ELL: variants seen among roughly 807,000 people sequenced by gnomAD.
ELL encodes elongation factor for RNA polymerase II.
ELL carries 18 observed loss-of-function variants against 64.0 expected under a neutral mutation model. That is an observed-to-expected ratio of 0.28 (90% CI 0.19 to 0.42). ELL has a LOEUF of 0.42. Among genes scored for constraint, ELL ranks in the 10% least tolerant of loss-of-function variants. The probability of loss-of-function intolerance (pLI) is 1.00; values close to 1 mark genes in which losing one functional copy is unlikely to be tolerated. For missense variants in ELL, 797 were observed against 870.4 expected, an observed-to-expected ratio of 0.92 and a Z score of 1.06; for synonymous variants, 399 against 376.2, an observed-to-expected ratio of 1.06 and a Z score of -0.70.
chr19:18,491,249 A>ATTTTTT (rs565016319), intron 1 of ELL, among the ~76,000 whole-genome samples: 3 of 72,474 alleles, frequency 4.1e-5, no homozygotes, highest in Non-Finnish European at 5.5e-5. Context: ...CACCTGGCTA[A>ATTTTTT]TTTTTTTTTT....
At chr19:18,470,221 T>TA (rs1169515411) in intron 2 of ELL, among the ~76,000 whole-genome samples, 1 of 152,208 alleles carries the variant, frequency 6.6e-6, no homozygotes, top group Admixed American at 6.5e-5. Flanking sequence ...CACATGTTAT[T>TA]AGGCTCCAGG....
Position 18,444,712 on chromosome 19 carries a change from T to TC in ELL, c.*39dup, listed in dbSNP as rs756342811. On this transcript the variant is annotated 3_prime_UTR_variant, in exon 12 of 12. Transcript: ENST00000262809. Reference sequence around the variant, plus strand: ...TAAATCCTCTCTCACCGCCTTTTGCTCCCCCGACCCTCCCAGATCCCCGCC... The same window carrying TC: ...TAAATCCTCTCTCACCGCCTTTTGCTCCCCCCGACCCTCCCAGATCCCCGCC... 2.6e-6 allele frequency: 4 copies of TC among 1,538,956 alleles called. No individual in the cohort carries two copies. Among genetic ancestry groups the TC allele is most frequent in the South Asian group, 2.3e-5 (2 of 86,362 alleles).
At chr19:18,468,786 A>C (rs1459902189) in intron 2 of ELL, among the ~76,000 whole-genome samples, 1 of 152,208 alleles carries the variant, frequency 6.6e-6, no homozygotes, top group Non-Finnish European at 1.5e-5. Flanking sequence ...AGCTCCACCC[A>C]GGTTGGCAGG....
At chr19:18,491,696 T>C (rs1333782133) in intron 1 of ELL, among the ~76,000 whole-genome samples, 1 of 152,044 alleles carries the variant, frequency 6.6e-6, no homozygotes, top group African/African-American at 2.4e-5. Flanking sequence ...AGGAGGATCG[T>C]TTGAGCCCAG....
chr19:18,448,499 A>G (rs953597195), intron 8 of ELL: 3 of 152,248 alleles, frequency 2.0e-5, no homozygotes, highest in Admixed American at 2.0e-4. Flanking sequence ...CCAGGGACGC[A>G]ACTCAATGGG....
At chr19:18,474,365 C>G (rs527391125) in intron 1 of ELL, among the ~76,000 whole-genome samples, 11 of 152,204 alleles carry the variant, frequency 7.2e-5, no homozygotes, top group Non-Finnish European at 1.6e-4. Context: ...TTTGGTCTAC[C>G]AGGAGCCCCC....
At chr19:18,448,277 G>C (rs1484742540) in intron 8 of ELL, 1 of 149,142 alleles carries the variant, frequency 6.7e-6, no homozygotes, top group Non-Finnish European at 1.5e-5. Flanking sequence ...TCCCCTGAGA[G>C]AGCAGGAGTC....
chr19:18,501,465 C>T lies in ELL; in HGVS notation c.135+20456G>A, dbSNP rs1480989406. 6.6e-6 allele frequency among the ~76,000 whole-genome samples: 1 copy of T among 152,220 alleles called. No homozygotes were observed. Among genetic ancestry groups the T allele is most frequent in the East Asian group, 1.9e-4 (1 of 5,192 alleles). ...ATGAGGCGGACCCTCCAACGTGCCT[C>T]ACACTTCAAGGCAGCTCTTCCAGGC... is the stretch of plus-strand genomic sequence containing the variant. On this transcript the variant is annotated intron_variant, in intron 1 of 11. Coordinates refer to ENST00000262809, the MANE Select transcript of ELL (RefSeq NM_006532.4). This position sits in a 1 kb window ranked among gnomAD's most constrained non-coding sequence, Gnocchi z 4.5.
In ELL at chr19:18,449,248, G is replaced by A. The variant is rs555064960; in HGVS notation, c.1465+1229C>T. 5.3e-5 allele frequency among the ~76,000 whole-genome samples: 8 copies of A among 152,208 alleles called. No individual in the cohort carries two copies. The highest frequency in any genetic ancestry group is 6.8e-3 in the Middle Eastern group (2 of 294). ...AGAGTGGTCTGTGGACCCTGGAGCC[G>A]GGCCAAGGGTCTCAAATGGCAGATC... On this transcript the variant is annotated intron_variant, in intron 8 of 11. Coordinates refer to ENST00000262809, the MANE Select transcript of ELL (RefSeq NM_006532.4). The surrounding 1 kb of genome is among the most constrained non-coding windows in gnomAD (Gnocchi z 4.4).
chr19:18,447,766 C>T (rs985601597), intron 8 of ELL, among the ~76,000 whole-genome samples: 1 of 152,000 alleles, frequency 6.6e-6, no homozygotes, highest in African/African-American at 2.4e-5. Flanking sequence ...TTATCAATTT[C>T]AGATGTATCC....
intron 1 of ELL, among the ~76,000 whole-genome samples, chr19:18,483,696 A>G (rs1044411143): frequency 2.0e-5 from 3 of 152,056 alleles, no homozygotes; most frequent in Non-Finnish European, 4.4e-5. Context: ...AACTTATCCA[A>G]CCTCACATGA....
chr19:18,448,288 T>G (rs1974457640), intron 8 of ELL: 1 of 152,082 alleles, frequency 6.6e-6, no homozygotes. Flanking sequence ...AGCAGGAGTC[T>G]GCGATCTCCA....
intron 1 of ELL, among the ~76,000 whole-genome samples, chr19:18,483,426 A>G (rs1216021051): frequency 2.0e-5 from 3 of 152,162 alleles, no homozygotes; most frequent in Non-Finnish European, 4.4e-5. Flanking sequence ...TTCCTGCGTC[A>G]TAGCTGGGGG....
chr19:18,476,701 C>T (rs1435714855), intron 1 of ELL, among the ~76,000 whole-genome samples: 2 of 152,194 alleles, frequency 1.3e-5, no homozygotes, highest in Admixed American at 6.5e-5. Flanking sequence ...ACCTCAAGTG[C>T]CTGTCCCCAT....
chr19:18,455,439 G>A (rs1223661852), intron 6 of ELL, among the ~76,000 whole-genome samples: 3 of 149,940 alleles, frequency 2.0e-5, no homozygotes, highest in Non-Finnish European at 3.0e-5. Flanking sequence ...GCAGTGAGCC[G>A]AGATCATGCC....
chr19:18,490,370 C>G (rs1172414955), intron 1 of ELL, among the ~76,000 whole-genome samples: 1 of 152,162 alleles, frequency 6.6e-6, no homozygotes, highest in Admixed American at 6.5e-5. Flanking sequence ...GGACCAGCTT[C>G]ACATTTATTA....
At chr19:18,493,797 C>T (rs555059601) in intron 1 of ELL, among the ~76,000 whole-genome samples, 31 of 152,332 alleles carry the variant, frequency 2.0e-4, no homozygotes, top group Non-Finnish European at 3.2e-4. Flanking sequence ...TCTCATGGCC[C>T]GGGAAAGGCC....
intron 1 of ELL, among the ~76,000 whole-genome samples, chr19:18,489,598 G>A (rs1975484295): frequency 6.6e-6 from 1 of 152,172 alleles, no homozygotes; most frequent in African/African-American, 2.4e-5. Context: ...CACCCCAGCT[G>A]CCTGATAAGG....
intron 1 of ELL, among the ~76,000 whole-genome samples, chr19:18,490,065 G>A (rs1391141385): frequency 1.3e-5 from 2 of 152,168 alleles, no homozygotes; most frequent in Non-Finnish European, 2.9e-5. Context: ...TTGCTTACAC[G>A]CCAGCTGCGT....
Sources: allele counts gnomAD v4.1 joint callset (sites outside exome capture counted in the v4.1 genomes callset), GRCh38; gene constraint gnomAD v4.1.1; non-coding constraint Gnocchi (gnomAD v3.1); transcripts MANE v1.5; gene names NCBI Gene and HGNC (gene_info 2026-07-23, HGNC 2026-07-21).